GPR141: variants seen among roughly 807,000 people sequenced by gnomAD.
GPR141 encodes the protein probable G protein-coupled receptor 141.
Under a neutral mutation model 6.8 loss-of-function variants are expected in GPR141, and 6 were observed. That is an observed-to-expected ratio of 0.88 (90% CI 0.48 to 1.74). GPR141 has a LOEUF of 1.74. GPR141 is among the 40% of genes most tolerant of loss of function. The pLI is 0.01. For missense variants in GPR141, 372 were observed against 372.9 expected (o/e 1.00, Z 0.02); for synonymous variants, 140 against 142.3 (o/e 0.98, Z 0.11).
chr7:37,730,187 C>T (rs183714230), intron 2 of GPR141: 1 of 152,068 alleles, frequency 6.6e-6, no homozygotes, highest in Non-Finnish European at 1.5e-5. Flanking sequence ...TCTTTTCCTC[C>T]CTCACTTTCT....
At chr7:37,684,062 G>T (rs1183561014) in intron 1 of GPR141, among the ~76,000 whole-genome samples, 159 bp downstream of exon 1, 1 of 152,106 alleles carries the variant, frequency 6.6e-6, no homozygotes, top group Non-Finnish European at 1.5e-5. Context: ...TTTATAGAAA[G>T]AATTGTTCTA....
At chr7:37,708,471 G>A (rs969337399) in intron 2 of GPR141, among the ~76,000 whole-genome samples, 13 of 152,176 alleles carry the variant, frequency 8.5e-5, no homozygotes, top group East Asian at 1.9e-4. Flanking sequence ...TCCCAATAAG[G>A]TGCCATGTTC....
intron 2 of GPR141, among the ~76,000 whole-genome samples, chr7:37,737,846 G>A (rs1303029273): frequency 6.6e-6 from 1 of 152,194 alleles, no homozygotes; most frequent in Non-Finnish European, 1.5e-5. Context: ...AAGGGTTCGG[G>A]TGGATATTGC....
At chr7:37,690,448 G>A (rs757688347) in intron 2 of GPR141, among the ~76,000 whole-genome samples, 1 of 152,068 alleles carries the variant, frequency 6.6e-6, no homozygotes, top group Admixed American at 6.5e-5. Flanking sequence ...ACAGTGCGAC[G>A]TGCCTGCTCT....
chr7:37,700,620 C>T (rs1810238122), intron 2 of GPR141, among the ~76,000 whole-genome samples: 1 of 152,140 alleles, frequency 6.6e-6, no homozygotes, highest in Non-Finnish European at 1.5e-5. Flanking sequence ...ATATAGGTAA[C>T]TGGTACGGTA....
intron 2 of GPR141, among the ~76,000 whole-genome samples, chr7:37,721,060 G>A (rs1444940335): frequency 6.6e-6 from 1 of 152,184 alleles, no homozygotes; most frequent in Non-Finnish European, 1.5e-5. Context: ...CAGGGATGGA[G>A]CAGTGAAGAA....
chr7:37,697,045 G>A (rs776024925), intron 2 of GPR141, among the ~76,000 whole-genome samples: 22 of 152,246 alleles, frequency 1.4e-4, no homozygotes, highest in Non-Finnish European at 2.5e-4. Context: ...CATTCCAGGA[G>A]ACTATAATTA....
rs934193947 is a variant in GPR141, at chr7:37,740,709, T to G, written c.316T>G (p.Tyr106Asp). The change falls in exon 3 of 3, where the codon TAT becomes GAT. Residue 106 changes from tyrosine (Y) to aspartate (D), a missense_variant. By Grantham distance (160) the Tyr-to-Asp change is radical. Coordinates refer to ENST00000334425, the MANE Select transcript of GPR141 (RefSeq NM_001381946.1). ...HIHMYLTFLF[Y>D]VVILVTRYLI... ...CCACATGTACCTCACGTTCCTATTC[T>G]ATGTGGTGATCCTGGTCACCAGATA... 8 of 1,613,976 alleles carry G rather than the reference T, an allele frequency of 5.0e-6. No homozygotes were observed. The Admixed American group carries it at 1.2e-4, about 24-fold the overall frequency.
chr7:37,711,221 C>G (rs780652491), intron 2 of GPR141, among the ~76,000 whole-genome samples: 3 of 152,112 alleles, frequency 2.0e-5, no homozygotes, highest in Non-Finnish European at 4.4e-5. Context: ...TCTTAAAACC[C>G]AATTGCTGAG....
Position 37,740,434 on chromosome 7 carries a change from C to T in GPR141, c.41C>T (p.Pro14Leu), listed in dbSNP as rs145307889. The stretch of plus-strand genomic sequence containing the variant: ...ACCTCCAGGAATTCCTCTTGCGATC[C>T]TATAGTGACACCCCACTTAATCAGC... ...HNTSRNSSCD[P>L]IVTPHLISLY... The change falls in exon 3 of 3, where the codon CCT becomes CTT. Residue 14 changes from proline (P) to leucine (L), a missense_variant. Physicochemically the swap from Pro to Leu is moderately conservative, Grantham distance 98 (BLOSUM62 -3). Transcript: ENST00000334425. The T allele has an allele frequency of 6.3e-5, 101 of 1,612,518 alleles. No individual in the cohort carries two copies. Among genetic ancestry groups the T allele is most frequent in the Non-Finnish European group, 8.3e-5 (98 of 1,178,946 alleles).
At chr7:37,713,371 C>T (rs753409163) in intron 2 of GPR141, 1 of 152,146 alleles carries the variant, frequency 6.6e-6, no homozygotes, top group Non-Finnish European at 1.5e-5. Flanking sequence ...AGGCTGGTCT[C>T]AAACTCCTGG....
At chr7:37,712,135 A>C (rs1192068468) in intron 2 of GPR141, among the ~76,000 whole-genome samples, 3 of 152,206 alleles carry the variant, frequency 2.0e-5, no homozygotes, top group Non-Finnish European at 2.9e-5. Flanking sequence ...CAAAAGGCAG[A>C]TCCCAGGGAG....
At chr7:37,715,893 A>G (rs571284603) in intron 2 of GPR141, among the ~76,000 whole-genome samples, 1 of 152,288 alleles carries the variant, frequency 6.6e-6, no homozygotes, top group African/African-American at 2.4e-5. Context: ...CCTTCCTGAA[A>G]CGAGTCCTGA....
chr7:37,697,314 A>G (rs1029993410), intron 2 of GPR141, among the ~76,000 whole-genome samples: 4 of 152,254 alleles, frequency 2.6e-5, no homozygotes, highest in Non-Finnish European at 4.4e-5. Flanking sequence ...AATCTTTGTT[A>G]GCATAAATGG....
chr7:37,711,653 C>T (rs1810801060), intron 2 of GPR141, among the ~76,000 whole-genome samples: 1 of 152,202 alleles, frequency 6.6e-6, no homozygotes, highest in African/African-American at 2.4e-5. Context: ...CAATGTAAGC[C>T]TGTTGCAAAC....
At chr7:37,702,085 T>C (rs1362343983) in intron 2 of GPR141, among the ~76,000 whole-genome samples, 1 of 152,214 alleles carries the variant, frequency 6.6e-6, no homozygotes, top group Non-Finnish European at 1.5e-5. Flanking sequence ...ACATAACTTT[T>C]TAAGATTTTT....
chr7:37,693,300 A>C (rs1308719474), intron 2 of GPR141, among the ~76,000 whole-genome samples: 1 of 152,150 alleles, frequency 6.6e-6, no homozygotes, highest in Non-Finnish European at 1.5e-5. Flanking sequence ...TTTGTCAAAG[A>C]TCAGATGATT....
chr7:37,728,285 G>A (rs1190130475), intron 2 of GPR141, among the ~76,000 whole-genome samples: 1 of 151,872 alleles, frequency 6.6e-6, no homozygotes, highest in African/African-American at 2.4e-5. Flanking sequence ...ATTTAAAAGC[G>A]GTGATGTGTT....
chr7:37,718,956 T>C (rs1041652285), intron 2 of GPR141, among the ~76,000 whole-genome samples: 1 of 152,210 alleles, frequency 6.6e-6, no homozygotes, highest in Non-Finnish European at 1.5e-5. Context: ...TGTGTGCGTG[T>C]ATATGTGTTG....
Sources: allele counts gnomAD v4.1 joint callset (sites outside exome capture counted in the v4.1 genomes callset), GRCh38; gene constraint gnomAD v4.1.1; transcripts MANE v1.5; gene names NCBI Gene and HGNC (gene_info 2026-07-23, HGNC 2026-07-21).